Variants in ANOS1 observed in about 807,000 individuals in gnomAD.
The protein encoded by ANOS1 is anosmin-1.
ANOS1 carries 6 observed loss-of-function variants against 59.0 expected under a neutral mutation model. The observed-to-expected ratio is 0.10, with a 90% CI of 0.06 to 0.20. The LOEUF (loss-of-function observed/expected upper bound fraction) is 0.20, where lower values mean the gene tolerates loss of function less well. Among genes scored for constraint, ANOS1 ranks in the 10% least tolerant of loss-of-function variants. The pLI is 1.00. For synonymous variants in ANOS1, 217 were observed against 223.4 expected, an observed-to-expected ratio of 0.97 and a Z score of 0.25; for missense variants, 433 against 542.3, an observed-to-expected ratio of 0.80 and a Z score of 2.00.
At chrX:8,540,174 T>A (rs1351145259) in intron 9 of ANOS1, among the ~76,000 whole-genome samples, 2 of 111,308 alleles carry the variant, frequency 1.8e-5, no homozygotes, top group Admixed American at 9.6e-5. Context: ...CAAAAGAGAA[T>A]CATCAGAAGT....
intron 2 of ANOS1, among the ~76,000 whole-genome samples, chrX:8,649,615 T>C (rs5978935): frequency 0.14 from 16,153 of 112,272 alleles, 1,662 homozygotes; most frequent in African/African-American, 0.36. Context: ...ACACTTTGCA[T>C]AAGCAATAGG....
At chrX:8,577,315 T>G (rs1349232776) in intron 6 of ANOS1, among the ~76,000 whole-genome samples, 3 of 111,852 alleles carry the variant, frequency 2.7e-5, no homozygotes, top group Non-Finnish European at 5.6e-5. Context: ...TTACTACCTC[T>G]TCAAGTGAGA....
At chrX:8,705,312 T>G in intron 1 of ANOS1, among the ~76,000 whole-genome samples, 1 of 112,209 alleles carries the variant, frequency 8.9e-6, no homozygotes, top group Non-Finnish European at 1.9e-5. Context: ...CAAGGAAATT[T>G]TATATGCATG....
intron 2 of ANOS1, among the ~76,000 whole-genome samples, chrX:8,624,346 T>C (rs911550431): frequency 8.9e-6 from 1 of 111,976 alleles, no homozygotes; most frequent in Non-Finnish European, 1.9e-5. Context: ...TGTTGTTTCA[T>C]GGGATTTTTT....
At chrX:8,642,605 A>G (rs1264906365) in intron 2 of ANOS1, among the ~76,000 whole-genome samples, 2 of 112,353 alleles carry the variant, frequency 1.8e-5, no homozygotes, top group African/African-American at 6.5e-5. Context: ...ATAATTAAAA[A>G]TGTACTGACT....
chrX:8,684,974 A>C (rs138226930), intron 2 of ANOS1, among the ~76,000 whole-genome samples: 3,731 of 110,436 alleles, frequency 0.034, 168 homozygotes, highest in African/African-American at 0.12. Context: ...ATCTGGGTGC[A>C]TCTGCAGGCA....
intron 4 of ANOS1, among the ~76,000 whole-genome samples, chrX:8,595,786 G>A (rs1019846635): frequency 9.0e-6 from 1 of 111,392 alleles, no homozygotes; most frequent in Non-Finnish European, 1.9e-5. Context: ...CCGGGCCACT[G>A]ACTGGTAGCA....
intron 6 of ANOS1, among the ~76,000 whole-genome samples, chrX:8,579,350 G>C (rs980787003): frequency 1.8e-5 from 2 of 111,492 alleles, no homozygotes; most frequent in Non-Finnish European, 3.8e-5. Flanking sequence ...GTCAGATTTT[G>C]GGAAATGAGA....
chrX:8,657,335 C>T (rs372106609), intron 2 of ANOS1, among the ~76,000 whole-genome samples: 5 of 112,152 alleles, frequency 4.5e-5, no homozygotes, highest in South Asian at 3.7e-4. Context: ...TGAGCCTTAG[C>T]ATAATAGCCT....
chrX:8,690,525 G>C (rs1932590500), intron 2 of ANOS1, among the ~76,000 whole-genome samples: 1 of 111,842 alleles, frequency 8.9e-6, no homozygotes. Context: ...ACTGGGGCAT[G>C]GTGCATTTTC....
intron 9 of ANOS1, among the ~76,000 whole-genome samples, chrX:8,551,484 A>G (rs888616251): frequency 9.1e-6 from 1 of 109,716 alleles, no homozygotes; most frequent in Non-Finnish European, 1.9e-5. Flanking sequence ...CTGAAAATAC[A>G]AAAAATTAGC....
chrX:8,647,775 G>C (rs1931785066), intron 2 of ANOS1, among the ~76,000 whole-genome samples: 1 of 111,854 alleles, frequency 8.9e-6, no homozygotes, highest in South Asian at 3.7e-4. Context: ...CTTAAGAAAA[G>C]ACCTGGGACT....
In ANOS1 at chrX:8,568,306, G is replaced by A. The variant is rs764789391; in HGVS notation, c.1133C>T (p.Thr378Met). 4 of 1,208,901 alleles carry A rather than the reference G, an allele frequency of 3.3e-6. No individual in the cohort carries two copies. Among genetic ancestry groups the A allele is most frequent in the East Asian group, 3.0e-5 (1 of 33,803 alleles). ...CTTCAGCCGTGTCTGTCCCCAGTAC[G>A]TTATGGCTTGCAATTCCACAACATA... is the stretch of plus-strand genomic sequence containing the variant. ...CDYVVELQAI[T>M]YWGQTRLKSA... is the part of the protein sequence containing the mutation. Residue 378 changes from threonine (T) to methionine (M), a missense_variant, in exon 8 of 14, where the codon ACG (threonine) becomes ATG (methionine). By Grantham distance (81) the Thr-to-Met change is moderately conservative. Coordinates refer to ENST00000262648, the MANE Select transcript of ANOS1 (RefSeq NM_000216.4).
intron 7 of ANOS1, among the ~76,000 whole-genome samples, chrX:8,568,924 A>T (rs751923091): frequency 1.8e-5 from 2 of 111,935 alleles, no homozygotes; most frequent in Non-Finnish European, 3.8e-5. Flanking sequence ...ATACCATGGA[A>T]ATAAATCATT....
chrX:8,627,626 C>T (rs928880965), intron 2 of ANOS1, among the ~76,000 whole-genome samples: 1 of 111,253 alleles, frequency 9.0e-6, no homozygotes, highest in African/African-American at 3.3e-5. Flanking sequence ...TAATAATCCT[C>T]CATGAAATCT....
chrX:8,544,151 T>A (rs1929729199), intron 9 of ANOS1, among the ~76,000 whole-genome samples: 1 of 109,828 alleles, frequency 9.1e-6, no homozygotes, highest in Non-Finnish European at 1.9e-5. Context: ...TTTCATTAAA[T>A]GTGAATTCCT....
intron 8 of ANOS1, among the ~76,000 whole-genome samples, chrX:8,561,947 TG>T (rs1217300226): frequency 1.8e-5 from 2 of 110,985 alleles, no homozygotes; most frequent in East Asian, 5.7e-4. Context: ...TTCTTTTTTT[TG>T]TTTTTTAAAC....
chrX:8,553,184 G>C (rs781187116), intron 9 of ANOS1, among the ~76,000 whole-genome samples: 2 of 107,124 alleles, frequency 1.9e-5, no homozygotes, highest in Non-Finnish European at 3.9e-5. Context: ...CTTGATAACA[G>C]AAAAACAAAT....
At chrX:8,694,654 G>C (rs1235772025) in intron 2 of ANOS1, among the ~76,000 whole-genome samples, 1 of 112,083 alleles carries the variant, frequency 8.9e-6, no homozygotes, top group East Asian at 2.8e-4. Flanking sequence ...GGCAACAAGA[G>C]CGAAATTCCA....
Sources: allele counts gnomAD v4.1 joint callset (sites outside exome capture counted in the v4.1 genomes callset), GRCh38; gene constraint gnomAD v4.1.1; transcripts MANE v1.5; gene names NCBI Gene and HGNC (gene_info 2026-07-23, HGNC 2026-07-21).